CLSTN2: variants seen among roughly 807,000 people sequenced by gnomAD.
CLSTN2 encodes the protein calsyntenin 2.
A neutral mutation model predicts 101.2 loss-of-function variants in CLSTN2; 48 were observed. The ratio of observed to expected loss-of-function variants is 0.47; its 90% confidence interval spans 0.38 to 0.60. CLSTN2 has a LOEUF of 0.60. Among genes scored for constraint, CLSTN2 ranks in the 20% least tolerant of loss-of-function variants. The pLI is 0.00. For synonymous variants in CLSTN2, 481 were observed against 463.6 expected (o/e 1.04, Z -0.48); for missense variants, 1,160 against 1,238.2 (o/e 0.94, Z 0.95).
intron 8 of CLSTN2, among the ~76,000 whole-genome samples, chr3:140,497,343 C>T (rs1934489295): frequency 6.6e-6 from 1 of 152,086 alleles, no homozygotes; most frequent in Non-Finnish European, 1.5e-5. Flanking sequence ...TGCAGGGAGG[C>T]CCCGCCCAGT....
intron 1 of CLSTN2, among the ~76,000 whole-genome samples, chr3:139,955,493 C>T (rs1935376854): frequency 9.8e-6 from 1 of 102,070 alleles, no homozygotes. Context: ...TCCTGTGGCT[C>T]GGGCATTTAG....
At chr3:140,232,529 C>T (rs968443948) in intron 2 of CLSTN2, among the ~76,000 whole-genome samples, 1 of 152,118 alleles carries the variant, frequency 6.6e-6, no homozygotes, top group African/African-American at 2.4e-5. Context: ...CGACTTTGAT[C>T]ACAGTTCCTA....
intron 2 of CLSTN2, among the ~76,000 whole-genome samples, chr3:140,176,647 G>C (rs1359444119): frequency 6.6e-6 from 1 of 152,186 alleles, no homozygotes; most frequent in Non-Finnish European, 1.5e-5. Context: ...TTTCCTCCTC[G>C]GACCCTCTTC....
intron 2 of CLSTN2, among the ~76,000 whole-genome samples, chr3:140,400,335 C>T (rs1424506141): frequency 1.3e-5 from 2 of 152,200 alleles, no homozygotes; most frequent in Non-Finnish European, 2.9e-5. Context: ...GCAGCCTTCT[C>T]CTCTGCTCAT....
At chr3:140,105,042 G>A (rs1162890084) in intron 1 of CLSTN2, among the ~76,000 whole-genome samples, 1 of 152,186 alleles carries the variant, frequency 6.6e-6, no homozygotes, top group Non-Finnish European at 1.5e-5. Flanking sequence ...CTTATTCCAG[G>A]ACAAGGGCTC....
chr3:140,192,118 T>C (rs2010573595), intron 2 of CLSTN2, among the ~76,000 whole-genome samples: 1 of 152,000 alleles, frequency 6.6e-6, no homozygotes, highest in African/African-American at 2.4e-5. Context: ...AGTTGCTAAA[T>C]GTTTGGAGAT....
chr3:140,245,856 G>A (rs537204607), intron 2 of CLSTN2, among the ~76,000 whole-genome samples: 11 of 152,312 alleles, frequency 7.2e-5, no homozygotes, highest in South Asian at 4.1e-4. Context: ...TTGTGAGCTC[G>A]CACTTACTGA....
chr3:140,532,628 A>G, intron 9 of CLSTN2, 142 bp downstream of exon 9: 1 of 576,428 alleles, frequency 1.7e-6, no homozygotes, highest in Non-Finnish European at 2.8e-6. Flanking sequence ...CAAGACATAT[A>G]AAAATAAGTA....
chr3:140,496,252 T>G (rs1934462686), intron 8 of CLSTN2, among the ~76,000 whole-genome samples: 1 of 152,200 alleles, frequency 6.6e-6, no homozygotes, highest in Non-Finnish European at 1.5e-5. Context: ...CCTTAATGAT[T>G]TGGCTCTCTG....
chr3:140,214,001 A>G (rs1281177538), intron 2 of CLSTN2, among the ~76,000 whole-genome samples: 3 of 152,186 alleles, frequency 2.0e-5, no homozygotes, highest in Non-Finnish European at 4.4e-5. Context: ...TTCAATATTC[A>G]GTGATCAGAA....
At chr3:139,985,404 C>G (rs973907996) in intron 1 of CLSTN2, among the ~76,000 whole-genome samples, 2 of 152,210 alleles carry the variant, frequency 1.3e-5, no homozygotes, top group Admixed American at 1.3e-4. Flanking sequence ...TTTGTTCCCT[C>G]GCAAAACCTC....
intron 2 of CLSTN2, among the ~76,000 whole-genome samples, chr3:140,341,310 G>T (rs2087489844): frequency 6.6e-6 from 1 of 152,160 alleles, no homozygotes; most frequent in Non-Finnish European, 1.5e-5. Flanking sequence ...TCTTCCTCTA[G>T]AAGTCTCAGC....
chr3:140,544,775 G>C (rs1030603184), intron 9 of CLSTN2, among the ~76,000 whole-genome samples: 1 of 152,056 alleles, frequency 6.6e-6, no homozygotes, highest in Non-Finnish European at 1.5e-5. Context: ...GGTCCCAGGA[G>C]AGGGAGACAC....
At chr3:140,429,382 G>A (rs1044383148) in intron 5 of CLSTN2, among the ~76,000 whole-genome samples, 3 of 152,140 alleles carry the variant, frequency 2.0e-5, no homozygotes, top group Non-Finnish European at 2.9e-5. Flanking sequence ...GGACCAGGCA[G>A]GAGCCCCAGG....
At position 140,233,282 on chromosome 3, in the gene CLSTN2, C is replaced by T. The variant is rs140963468; in HGVS notation, c.232+57209C>T. 7.0e-4 allele frequency among the ~76,000 whole-genome samples: 106 copies of T among 152,264 alleles called. 1 individual carries two copies. The highest frequency in any genetic ancestry group is 2.3e-3 in the African/African-American group (95 of 41,550). On this transcript the variant is annotated intron_variant, in intron 2 of 16. Transcript: ENST00000458420. ...TGCTCCACTGACACTTGGTCGACTC[C>T]GCATTCGCCAAGTCCTCAGGTCTCA...
At chr3:140,116,792 G>T (rs559743777) in intron 1 of CLSTN2, among the ~76,000 whole-genome samples, 1 of 152,224 alleles carries the variant, frequency 6.6e-6, no homozygotes, top group Non-Finnish European at 1.5e-5. Flanking sequence ...GCCTGAGTTG[G>T]TATGCTTGTG....
At chr3:139,941,118 A>G (rs757985817) in intron 1 of CLSTN2, among the ~76,000 whole-genome samples, 6 of 152,200 alleles carry the variant, frequency 3.9e-5, no homozygotes, top group Non-Finnish European at 8.8e-5. Flanking sequence ...ACAGCTTGAA[A>G]TCGATGATTG....
At chr3:140,075,965 T>TA (rs2008480508) in intron 1 of CLSTN2, among the ~76,000 whole-genome samples, 1 of 152,124 alleles carries the variant, frequency 6.6e-6, no homozygotes, top group South Asian at 2.1e-4. Context: ...TCTACCCTCT[T>TA]AAAAATATTC....
chr3:140,394,194 T>A (rs571256629), intron 2 of CLSTN2, among the ~76,000 whole-genome samples: 2 of 135,530 alleles, frequency 1.5e-5, no homozygotes, highest in Non-Finnish European at 3.3e-5. Flanking sequence ...AAAAGAAAGT[T>A]CTATTCTGAT....
Sources: gnomAD v4.1 joint callset for allele counts (sites outside exome capture counted in the v4.1 genomes callset) on GRCh38, gnomAD v4.1.1 for gene constraint, MANE v1.5 for transcripts, NCBI Gene and HGNC (gene_info 2026-07-23, HGNC 2026-07-21) for gene names.